The following DAB1 variants were observed in gnomAD, a reference collection of about 807,000 sequenced individuals.
DAB1 encodes DAB adaptor protein 1, also known as disabled homolog 1.
DAB1 carries 15 observed loss-of-function variants against 64.6 expected under a neutral mutation model. The observed-to-expected ratio is 0.23, with a 90% confidence interval of 0.16 to 0.36. The LOEUF is 0.36. DAB1 is among the 10% of genes least tolerant of loss of function. The pLI, the probability that DAB1 is intolerant of heterozygous loss-of-function variation, is 1.00. For synonymous variants in DAB1, 235 were observed against 251.9 expected (o/e 0.93, Z 0.64); for missense variants, 596 against 706.7 (o/e 0.84, Z 1.78).
intron 2 of DAB1, among the ~76,000 whole-genome samples, chr1:57,223,934 G>GA (rs968029788): frequency 3.3e-5 from 5 of 152,140 alleles, no homozygotes; most frequent in East Asian, 1.9e-4. Flanking sequence ...TTTGGAGTCA[G>GA]AAAAAACTGG....
At chr1:57,732,085 T>C (rs985754272) in intron 6 of DAB1, among the ~76,000 whole-genome samples, 1 of 152,132 alleles carries the variant, frequency 6.6e-6, no homozygotes, top group African/African-American at 2.4e-5. Context: ...CAGGAGGGCA[T>C]GCAGAATAAA....
intron 6 of DAB1, among the ~76,000 whole-genome samples, chr1:57,707,933 G>A (rs1340329234): frequency 6.6e-6 from 1 of 152,192 alleles, no homozygotes; most frequent in African/African-American, 2.4e-5. Flanking sequence ...GGGTTACCAG[G>A]CAAAGTTACT....
chr1:58,287,455 G>C (rs1661712407), intron 4 of DAB1, among the ~76,000 whole-genome samples: 1 of 152,170 alleles, frequency 6.6e-6, no homozygotes, highest in African/African-American at 2.4e-5. Context: ...GCTGGAGCCA[G>C]AGTCACCTGA....
At chr1:58,203,448 T>C (rs60975361) in intron 4 of DAB1, among the ~76,000 whole-genome samples, 2,562 of 152,310 alleles carry the variant, frequency 0.017, 63 homozygotes, top group African/African-American at 0.058. Context: ...CTTCCCATAT[T>C]CACCCAACTG....
chr1:57,217,607 A>C (rs1666526206), intron 2 of DAB1, among the ~76,000 whole-genome samples: 1 of 152,166 alleles, frequency 6.6e-6, no homozygotes, highest in Non-Finnish European at 1.5e-5. Flanking sequence ...CCAAAATCTC[A>C]AGAGTTATTT....
intron 7 of DAB1, among the ~76,000 whole-genome samples, chr1:57,591,157 T>C (rs1384137479): frequency 6.6e-6 from 1 of 152,184 alleles, no homozygotes; most frequent in African/African-American, 2.4e-5. Flanking sequence ...TAGTACGCAT[T>C]CCTGAGCTGT....
intron 3 of DAB1, chr1:58,462,594 G>A (rs1375911692): frequency 1.3e-5 from 2 of 152,080 alleles, no homozygotes; most frequent in African/African-American, 4.8e-5. Flanking sequence ...TTTCAAGGGT[G>A]GAGTTAATGA....
At chr1:57,232,010 C>T (rs1569984602) in intron 2 of DAB1, among the ~76,000 whole-genome samples, 1 of 152,266 alleles carries the variant, frequency 6.6e-6, no homozygotes, top group African/African-American at 2.4e-5. Flanking sequence ...CTCTACTCTG[C>T]CTGGGCTGAC....
At chr1:57,526,783 G>C (rs984976837) in intron 7 of DAB1, among the ~76,000 whole-genome samples, 1 of 152,150 alleles carries the variant, frequency 6.6e-6, no homozygotes, top group African/African-American at 2.4e-5. Context: ...CAATTATGTA[G>C]TGCTTTTCAG....
intron 7 of DAB1, among the ~76,000 whole-genome samples, chr1:57,509,952 G>A (rs1644388467): frequency 6.6e-6 from 1 of 152,066 alleles, no homozygotes; most frequent in Admixed American, 6.5e-5. Flanking sequence ...CTAATAATTT[G>A]CTCTTATTAT....
Position 58,397,113 on chromosome 1 carries a change from G to T in DAB1, n.258-53710C>A, listed in dbSNP as rs898390683. ...AAAAAGAAACAGAGAGGGCAAGAGAGAAGTAGGTAAAGGGAGAGAGGGAGG... is the reference window on the plus strand; with the variant it reads ...AAAAAGAAACAGAGAGGGCAAGAGATAAGTAGGTAAAGGGAGAGAGGGAGG... On this transcript the variant is annotated intron_variant and non_coding_transcript_variant, in intron 3 of 20. Coordinates refer to the DAB1 transcript ENST00000485760. 6.6e-5 allele frequency among the ~76,000 whole-genome samples: 10 copies of T among 152,046 alleles called. No homozygotes were observed. The South Asian group carries it at 1.5e-3, about 22-fold the overall frequency.
chr1:57,414,471 C>T (rs902104598), intron 1 of DAB1, among the ~76,000 whole-genome samples: 8 of 152,150 alleles, frequency 5.3e-5, no homozygotes, highest in African/African-American at 1.9e-4. Flanking sequence ...TGCTATTGCA[C>T]CCTTAACAGA....
chr1:57,137,814 C>T (rs898174014), intron 3 of DAB1, among the ~76,000 whole-genome samples: 1 of 152,064 alleles, frequency 6.6e-6, no homozygotes, highest in South Asian at 2.1e-4. Context: ...TGTTAGAGAG[C>T]AGTAGGTATG....
chr1:58,520,932 A>C (rs1013141178), intron 2 of DAB1, among the ~76,000 whole-genome samples: 2 of 152,228 alleles, frequency 1.3e-5, no homozygotes, highest in Non-Finnish European at 2.9e-5. Context: ...AGAAGATCTG[A>C]AACAACAAAA....
intron 1 of DAB1, among the ~76,000 whole-genome samples, chr1:58,528,758 T>G (rs1297902586): frequency 1.3e-5 from 2 of 152,168 alleles, no homozygotes; most frequent in East Asian, 3.8e-4. Context: ...CCTAATGACT[T>G]CACTATCAAC....
chr1:57,861,429 C>T (rs1403133579), intron 1 of DAB1, among the ~76,000 whole-genome samples: 1 of 152,176 alleles, frequency 6.6e-6, no homozygotes, highest in Non-Finnish European at 1.5e-5. Flanking sequence ...GTGCTAATCC[C>T]AGTCATGAGG....
At chr1:57,520,447 A>G (rs1213347635) in intron 7 of DAB1, among the ~76,000 whole-genome samples, 1 of 152,164 alleles carries the variant, frequency 6.6e-6, no homozygotes, top group Non-Finnish European at 1.5e-5. Context: ...ACAAAGATTA[A>G]GGGTCAATTT....
chr1:57,405,529 AC>A (rs1683563724), intron 1 of DAB1, among the ~76,000 whole-genome samples: 1 of 152,220 alleles, frequency 6.6e-6, no homozygotes, highest in African/African-American at 2.4e-5. Context: ...TCTTTAGTCC[AC>A]AAAATATTTT....
At chr1:57,200,210 C>T (rs1171781385) in intron 2 of DAB1, among the ~76,000 whole-genome samples, 4 of 152,196 alleles carry the variant, frequency 2.6e-5, no homozygotes, top group Non-Finnish European at 5.9e-5. Flanking sequence ...GTTCTGTTTC[C>T]CTTTAGCCTG....
Sources: gnomAD v4.1 joint callset for allele counts (sites outside exome capture counted in the v4.1 genomes callset) on GRCh38, gnomAD v4.1.1 for gene constraint, MANE v1.5 for transcripts, NCBI Gene and HGNC (gene_info 2026-07-23, HGNC 2026-07-21) for gene names.